Variants in TMEM219 observed in about 807,000 individuals in gnomAD.
The protein encoded by TMEM219 is transmembrane protein 219, also known as insulin-like growth factor-binding protein 3 receptor.
A neutral mutation model predicts 17.9 loss-of-function variants in TMEM219; 18 were observed. The ratio of observed to expected loss-of-function variants is 1.01; its 90% CI spans 0.70 to 1.49. The LOEUF (loss-of-function observed/expected upper bound fraction) is 1.49. TMEM219 is among the 40% of genes most tolerant of loss of function. The pLI, the probability that TMEM219 is intolerant of heterozygous loss-of-function variation, is 0.00. For synonymous variants in TMEM219, 113 were observed against 124.0 expected (o/e 0.91, Z 0.59); for missense variants, 288 against 292.4 (o/e 0.99, Z 0.11).
chr16:29,972,633 C>T (rs908324950), intron 5 of TMEM219, among the ~76,000 whole-genome samples: 3 of 152,204 alleles, frequency 2.0e-5, no homozygotes, highest in South Asian at 2.1e-4. Flanking sequence ...AGTTGAGGCC[C>T]AGGGAACTGA....
At chr16:29,969,324 G>A (rs1275643958) in intron 4 of TMEM219, among the ~76,000 whole-genome samples, 1 of 149,738 alleles carries the variant, frequency 6.7e-6, no homozygotes, top group African/African-American at 2.5e-5. Context: ...AGGCTCCCGA[G>A]TAGCTGGGAC....
At position 29,963,303 on chromosome 16, in the gene TMEM219, C is replaced by G; in HGVS notation, c.160C>G (p.Pro54Ala). The change falls in exon 2 of 6, where the codon CCC (proline) becomes GCC (alanine). Residue 54 changes from proline to alanine, a missense_variant. Coordinates refer to ENST00000279396, the MANE Select transcript of TMEM219 (RefSeq NM_001083613.2). ...GACTGGCCTGCGCAGCCCTGACATC[C>G]CCCAGGTAAGTTCCCCACCCCCGTA... is the stretch of plus-strand genomic sequence containing the variant. ...HRTGLRSPDI[P>A]QDWVSFLRSF... is the part of the protein sequence containing the mutation. 1.2e-6 allele frequency: 2 copies of G among 1,614,204 alleles called. No homozygotes were observed. The highest frequency in any genetic ancestry group is 4.5e-5 in the East Asian group (2 of 44,880).
At chr16:29,963,616 C>G in intron 3 of TMEM219, 27 bp downstream of exon 3, 2 of 1,602,714 alleles carry the variant, frequency 1.2e-6, no homozygotes, top group Non-Finnish European at 1.7e-6. Context: ...GGTGTGGTGG[C>G]TCACGCCTGT....
In TMEM219 at chr16:29,968,119, C is replaced by A; in HGVS notation, c.450C>A (p.Ile150=). 6.2e-7 allele frequency: 1 copy of A among 1,614,156 alleles called. No individual in the cohort carries two copies. The highest frequency in any genetic ancestry group is 8.5e-7 in the Non-Finnish European group (1 of 1,180,038). The change falls in exon 4 of 6, where the codon ATC becomes ATA. Residue 150 remains isoleucine, a synonymous_variant. Transcript: ENST00000279396. The part of the protein sequence containing the change: ...TCLYFSAVPG[I]LPSSQPPISC... ...TATATTTTAGTGCTGTTCCAGGAAT[C>A]CTACCCTCCAGCCAGCCACCCATAT...
chr16:29,966,281 C>A (rs1419322859), intron 3 of TMEM219, among the ~76,000 whole-genome samples: 1 of 151,996 alleles, frequency 6.6e-6, no homozygotes, highest in African/African-American at 2.4e-5. Context: ...TTCCTTTGTT[C>A]CTTTTTCTTT....
intron 4 of TMEM219, chr16:29,968,568 T>C (rs897762852): frequency 3.9e-6 from 1 of 255,178 alleles, no homozygotes; most frequent in Admixed American, 4.8e-5. Flanking sequence ...ACTATTGTCT[T>C]TAAAACATTC....
intron 5 of TMEM219, 32 bp downstream of exon 5, chr16:29,971,610 A>G: frequency 3.1e-5 from 12 of 387,794 alleles, no homozygotes; most frequent in Non-Finnish European, 3.9e-5. Context: ...CTGCGGGAGC[A>G]GGGAATGGGG....
chr16:29,972,426 G>C (rs768554984), intron 5 of TMEM219, among the ~76,000 whole-genome samples: 1 of 152,176 alleles, frequency 6.6e-6, no homozygotes, highest in Non-Finnish European at 1.5e-5. Flanking sequence ...AAACGTAGCA[G>C]TGGGTGGGGG....
intron 3 of TMEM219, among the ~76,000 whole-genome samples, chr16:29,967,800 A>G (rs922759681): frequency 8.6e-5 from 13 of 151,752 alleles, no homozygotes; most frequent in Admixed American, 2.0e-4. Context: ...GGTGGTGGGC[A>G]CCTGTAGTCC....
In TMEM219 at chr16:29,963,190, A is replaced by C; in HGVS notation, c.47A>C (p.His16Pro). 2 of 1,613,600 alleles carry C rather than the reference A, an allele frequency of 1.2e-6. No individual in the cohort carries two copies. The highest frequency in any genetic ancestry group is 1.7e-6 in the Non-Finnish European group (2 of 1,180,032). Residue 16 changes from histidine (H) to proline (P), a missense_variant, in exon 2 of 6, where the codon CAC becomes CCC. His to Pro is a moderately conservative substitution (Grantham distance 77, BLOSUM62 -2). Transcript: ENST00000279396. ...CACAACCTGCACCTGTGTCTGGCCC[A>C]CCACCCACCTCTGGTCTGTGCCACT... ...AGHNLHLCLA[H>P]HPPLVCATLI...
chr16:29,969,192 C>CTTTT (rs1197231032), intron 4 of TMEM219, among the ~76,000 whole-genome samples: 19 of 122,988 alleles, frequency 1.5e-4, no homozygotes, highest in African/African-American at 1.8e-4. Flanking sequence ...TTCTTTTTCG[C>CTTTT]TTTTTTTTTT....
intron 3 of TMEM219, among the ~76,000 whole-genome samples, chr16:29,964,622 C>T (rs2069189165): frequency 1.3e-5 from 2 of 152,132 alleles, no homozygotes. Context: ...GATCACACCA[C>T]TGCACTCTAG....
intron 4 of TMEM219, among the ~76,000 whole-genome samples, chr16:29,969,054 G>A (rs1042802399): frequency 6.6e-6 from 1 of 152,122 alleles, no homozygotes; most frequent in South Asian, 2.1e-4. Flanking sequence ...ATGCGCACAG[G>A]CCTAGAGATT....
intron 1 of TMEM219, 152 bp from the exon 2 acceptor site, chr16:29,962,955 G>C: frequency 1.5e-6 from 1 of 676,536 alleles, no homozygotes; most frequent in Non-Finnish European, 2.6e-6. Context: ...GCAGTGCAGG[G>C]AGTTGAACTT....
At chr16:29,962,333 T>G (rs2069156793) in intron 1 of TMEM219, among the ~76,000 whole-genome samples, 1 of 152,110 alleles carries the variant, frequency 6.6e-6, no homozygotes, top group Non-Finnish European at 1.5e-5. Context: ...TTGTGACACC[T>G]ACATTTCCGT....
chr16:29,967,121 A>G (rs1012112387), intron 3 of TMEM219, among the ~76,000 whole-genome samples: 5 of 152,224 alleles, frequency 3.3e-5, no homozygotes, highest in African/African-American at 1.2e-4. Context: ...GTATCTGCCC[A>G]TTTCACTGCA....
At chr16:29,972,420 G>A (rs957618706) in intron 5 of TMEM219, among the ~76,000 whole-genome samples, 18 of 152,262 alleles carry the variant, frequency 1.2e-4, no homozygotes, top group Middle Eastern at 3.4e-3. Flanking sequence ...CTTCACAAAC[G>A]TAGCAGTGGG....
rs75913684 is a variant in TMEM219 at position 29,968,689 on chromosome 16, C to G, written c.585+435C>G. 3.6e-3 allele frequency: 588 copies of G among 165,428 alleles called. 2 individuals carry two copies. Among genetic ancestry groups the G allele is most frequent in the African/African-American group, 0.014 (565 of 41,806 alleles). The allele number at this position is 165,428 out of a possible 1,614,324, so 10.2% of individuals were successfully genotyped here. On this transcript the variant is annotated intron_variant, in intron 4 of 5. Coordinates refer to ENST00000279396, the MANE Select transcript of TMEM219 (RefSeq NM_001083613.2). ...AACACAGAGAAAGGAGCCATTAACC[C>G]TAACTTGAACATTTATGGAGAGTGC...
rs746957934 is a variant in TMEM219 at position 29,963,314 on chromosome 16, TTCCCCACCCCCGTACCCGC to T, written c.165+9_165+27del. 4.6e-5 allele frequency: 74 copies of T among 1,613,956 alleles called. No homozygotes were observed. The highest frequency in any genetic ancestry group is 6.0e-5 in the Non-Finnish European group (71 of 1,179,986). ...GCAGCCCTGACATCCCCCAGGTAAG[TTCCCCACCCCCGTACCCGC>T]TCTTCCTTCCAACCTAGACAGGCTT... On this transcript the variant is annotated splice_region_variant and intron_variant, in intron 2 of 5. Transcript: ENST00000279396.
Sources: gnomAD v4.1 joint callset for allele counts (sites outside exome capture counted in the v4.1 genomes callset) on GRCh38, gnomAD v4.1.1 for gene constraint, MANE v1.5 for transcripts, NCBI Gene and HGNC (gene_info 2026-07-23, HGNC 2026-07-21) for gene names.